The following GPC5 variants were observed in gnomAD, a reference collection of about 807,000 sequenced individuals.
GPC5 encodes glypican-5.
GPC5 carries 47 observed loss-of-function variants against 53.9 expected under a neutral mutation model. The ratio of observed to expected loss-of-function variants is 0.87; its 90% CI spans 0.69 to 1.11. The LOEUF is 1.11. GPC5 is among the 50% of genes most tolerant of loss of function. The probability of loss-of-function intolerance (pLI) is 0.00; values close to 1 mark genes in which losing one functional copy is unlikely to be tolerated. For synonymous variants in GPC5, 286 were observed against 263.3 expected (o/e 1.09, Z -0.84); for missense variants, 748 against 713.1 (o/e 1.05, Z -0.56).
At chr13:91,689,305 T>C (rs1834327325) in intron 2 of GPC5, among the ~76,000 whole-genome samples, 1 of 146,080 alleles carries the variant, frequency 6.8e-6, no homozygotes, top group Admixed American at 6.9e-5. Flanking sequence ...TGAGTGGAGC[T>C]TGCAAGATTA....
Position 92,685,307 on chromosome 13 carries a change from C to T in GPC5, c.1562-180975C>T, listed in dbSNP as rs534631657. ...AAGGGGTTTTGCCACGCTGGCCAGG[C>T]TAATCTTGAACTCCTGACCTTGGGT... is the stretch of plus-strand genomic sequence containing the variant. On this transcript the variant is annotated intron_variant, in intron 7 of 7. Transcript: ENST00000377067. 2.0e-5 allele frequency among the ~76,000 whole-genome samples: 3 copies of T among 152,058 alleles called. No homozygotes were observed. In the East Asian group the frequency reaches 5.8e-4, roughly 30 times the overall value.
At chr13:92,415,003 A>T (rs1276569166) in intron 7 of GPC5, among the ~76,000 whole-genome samples, 3 of 152,144 alleles carry the variant, frequency 2.0e-5, no homozygotes, top group African/African-American at 7.2e-5. Flanking sequence ...TGGGGCTAGG[A>T]TGTATCAGAA....
intron 7 of GPC5, among the ~76,000 whole-genome samples, chr13:92,200,341 G>A (rs911724159): frequency 6.6e-6 from 1 of 152,012 alleles, no homozygotes; most frequent in Non-Finnish European, 1.5e-5. Flanking sequence ...AAACAATTAC[G>A]GCTGTATTAC....
intron 7 of GPC5, among the ~76,000 whole-genome samples, chr13:92,169,043 G>A (rs2042051074): frequency 6.6e-6 from 1 of 152,164 alleles, no homozygotes; most frequent in Middle Eastern, 3.2e-3. Flanking sequence ...TATGGATGGA[G>A]CTGGAAGCCA....
intron 7 of GPC5, among the ~76,000 whole-genome samples, chr13:92,622,266 T>C (rs1884899156): frequency 6.6e-6 from 1 of 152,230 alleles, no homozygotes; most frequent in Admixed American, 6.5e-5. Context: ...AGGTCTGTCC[T>C]CAGCTACATC....
chr13:91,799,138 A>C (rs1236362187), intron 5 of GPC5, among the ~76,000 whole-genome samples: 1 of 152,242 alleles, frequency 6.6e-6, no homozygotes, highest in Non-Finnish European at 1.5e-5. Flanking sequence ...GCACCATGGA[A>C]TATTATGCAG....
At chr13:92,628,243 C>CTTTTCT (rs1220689076) in intron 7 of GPC5, among the ~76,000 whole-genome samples, 24 of 71,388 alleles carry the variant, frequency 3.4e-4, no homozygotes, top group Non-Finnish European at 7.4e-4. Context: ...ATCCTATTTT[C>CTTTTCT]TTTTCTTTTT....
At chr13:91,887,819 T>G (rs983147756) in intron 5 of GPC5, among the ~76,000 whole-genome samples, 30 of 152,160 alleles carry the variant, frequency 2.0e-4, no homozygotes, top group African/African-American at 7.2e-4. Flanking sequence ...TCAACATGTC[T>G]CTAGGAAGTT....
In GPC5 at chr13:92,393,785, A is replaced by C. The variant is rs536099758; in HGVS notation, c.1561+248796A>C. Among the ~76,000 whole-genome samples, 4 of 152,330 alleles carry C rather than the reference A, an allele frequency of 2.6e-5. No individual in the cohort carries two copies. The East Asian group carries it at 7.7e-4, about 29-fold the overall frequency. ...TACTGGACTTAACACCTGAGTGATG[A>C]AATAATATGTACAGCAAACCCCCAT... is the stretch of plus-strand genomic sequence containing the variant. On this transcript the variant is annotated intron_variant, in intron 7 of 7. Coordinates refer to ENST00000377067, the MANE Select transcript of GPC5 (RefSeq NM_004466.6).
At chr13:91,641,662 G>T (rs1490939682) in intron 2 of GPC5, among the ~76,000 whole-genome samples, 1 of 152,180 alleles carries the variant, frequency 6.6e-6, no homozygotes, top group African/African-American at 2.4e-5. Flanking sequence ...CACTTCATAG[G>T]AAATTTTGTT....
intron 5 of GPC5, among the ~76,000 whole-genome samples, chr13:91,828,374 G>A (rs1356415500): frequency 6.6e-6 from 1 of 151,768 alleles, no homozygotes; most frequent in African/African-American, 2.4e-5. Flanking sequence ...TAGGTAGGTA[G>A]GTAGGTAGGT....
chr13:91,909,531 A>C (rs943258017), intron 6 of GPC5, among the ~76,000 whole-genome samples: 2 of 152,176 alleles, frequency 1.3e-5, no homozygotes, highest in African/African-American at 4.8e-5. Context: ...TGGTTGTAGT[A>C]AGGTATATAA....
chr13:92,657,539 A>G (rs1886175110), intron 7 of GPC5, among the ~76,000 whole-genome samples: 1 of 145,994 alleles, frequency 6.8e-6, no homozygotes, highest in African/African-American at 2.5e-5. Context: ...GGCACGGAAG[A>G]GTGTTAGTCA....
intron 5 of GPC5, among the ~76,000 whole-genome samples, chr13:91,892,284 C>T (rs1227088597): frequency 2.6e-5 from 4 of 151,748 alleles, no homozygotes; most frequent in Non-Finnish European, 4.4e-5. Flanking sequence ...CTTTTCAACT[C>T]TTCTTACCAA....
chr13:92,523,732 G>T (rs530735121), intron 7 of GPC5, among the ~76,000 whole-genome samples: 1 of 151,958 alleles, frequency 6.6e-6, no homozygotes, highest in Non-Finnish European at 1.5e-5. Context: ...TTGTATTATA[G>T]TATCAATACT....
intron 5 of GPC5, among the ~76,000 whole-genome samples, chr13:91,821,756 A>G (rs1450829781): frequency 4.6e-5 from 7 of 152,150 alleles, no homozygotes; most frequent in Non-Finnish European, 1.0e-4. Context: ...CTAATCATCA[A>G]AACTCCAAAT....
rs79320254 is a variant in GPC5 at position 92,171,033 on chromosome 13, A to G, written c.1561+26044A>G. On this transcript the variant is annotated intron_variant, in intron 7 of 7. Coordinates refer to ENST00000377067, the MANE Select transcript of GPC5 (RefSeq NM_004466.6). ...GTAGAAGCTGCTACACACCTACTCT[A>G]TTCTTCTTAAATATTTTATCAAGAC... is the stretch of plus-strand genomic sequence containing the variant. Among the ~76,000 whole-genome samples the G allele has an allele frequency of 4.7e-3, 712 of 152,136 alleles. 4 individuals are homozygous for G. The highest frequency in any genetic ancestry group is 0.017 in the Middle Eastern group (5 of 294).
At chr13:92,200,974 GACACACACACACACACACACAC>G (rs66619017) in intron 7 of GPC5, among the ~76,000 whole-genome samples, 3 of 146,918 alleles carry the variant, frequency 2.0e-5, no homozygotes, top group Non-Finnish European at 4.5e-5. Flanking sequence ...CAGGCACTCA[GACACACACACACACACACACAC>G]ACACACACAC....
intron 7 of GPC5, among the ~76,000 whole-genome samples, chr13:92,342,337 T>C (rs1352374247): frequency 1.3e-5 from 2 of 152,150 alleles, no homozygotes; most frequent in East Asian, 3.9e-4. Flanking sequence ...TGGGGGACAT[T>C]GTTCACAATG....
Sources: allele counts gnomAD v4.1 joint callset (sites outside exome capture counted in the v4.1 genomes callset), GRCh38; gene constraint gnomAD v4.1.1; transcripts MANE v1.5; gene names NCBI Gene and HGNC (gene_info 2026-07-23, HGNC 2026-07-21).